The following COL11A1 variants were observed in gnomAD, a reference collection of about 807,000 sequenced individuals.
COL11A1 encodes collagen type XI alpha 1 chain, also known as collagen alpha-1(XI) chain.
In COL11A1, 74 loss-of-function variants were observed where a neutral mutation model predicts 265.2. That is an observed-to-expected ratio of 0.28 (90% CI 0.23 to 0.34). The LOEUF (loss-of-function observed/expected upper bound fraction) is 0.34. Among genes scored for constraint, COL11A1 ranks in the 10% least tolerant of loss-of-function variants. The pLI, the probability that COL11A1 is intolerant of heterozygous loss-of-function variation, is 1.00. For missense variants in COL11A1, 2,165 were observed against 2,263.6 expected, an observed-to-expected ratio of 0.96 and a Z score of 0.88; for synonymous variants, 816 against 727.6, an observed-to-expected ratio of 1.12 and a Z score of -1.96.
intron 64 of COL11A1, 127 bp downstream of exon 64, chr1:102,883,072 A>G: frequency 1.4e-6 from 1 of 727,640 alleles, no homozygotes; most frequent in Non-Finnish European, 2.5e-6. Context: ...CAAATGAAGT[A>G]CTCTAATTAT....
chr1:102,978,150 T>G (rs1352455490), intron 35 of COL11A1, among the ~76,000 whole-genome samples: 1 of 152,142 alleles, frequency 6.6e-6, no homozygotes, highest in Non-Finnish European at 1.5e-5. Context: ...TACAAAAATG[T>G]TATATTTTGC....
chr1:102,979,509 G>A (rs1421497601), intron 31 of COL11A1, 74 bp from the exon 32 acceptor site: 1 of 997,680 alleles, frequency 1.0e-6, no homozygotes, highest in Admixed American at 1.8e-5. Flanking sequence ...ATTTATTTTG[G>A]AACAGAGTGA....
At chr1:102,888,434 A>T in intron 62 of COL11A1, 143 bp downstream of exon 62, 1 of 731,956 alleles carries the variant, frequency 1.4e-6, no homozygotes, top group East Asian at 2.7e-5. Context: ...TGTAGATTTG[A>T]TTACTTAAAT....
At chr1:103,021,573 A>G (rs1295123781) in intron 9 of COL11A1, 134 bp downstream of exon 9, 1 of 688,658 alleles carries the variant, frequency 1.5e-6, no homozygotes, top group South Asian at 1.6e-5. Flanking sequence ...TAACTTACTT[A>G]TTTGTGGTGA....
chr1:103,046,881 G>A (rs1406932622), intron 4 of COL11A1, among the ~76,000 whole-genome samples: 1 of 151,996 alleles, frequency 6.6e-6, no homozygotes, highest in Non-Finnish European at 1.5e-5. Context: ...CCCATTGCTT[G>A]TTTTTGTCAG....
chr1:103,022,179 A>G (rs1288613453), intron 8 of COL11A1, among the ~76,000 whole-genome samples: 1 of 151,968 alleles, frequency 6.6e-6, no homozygotes, highest in Non-Finnish European at 1.5e-5. Flanking sequence ...TAAAAAGATA[A>G]TTTAGTAAAC....
chr1:103,078,592 G>A, intron 3 of COL11A1, 66 bp downstream of exon 3: 1 of 1,458,082 alleles, frequency 6.9e-7, no homozygotes, highest in African/African-American at 1.4e-5. Context: ...ATAAATATTT[G>A]TTAAGTGACT....
At chr1:102,889,282 T>G (rs1406969294) in intron 59 of COL11A1, among the ~76,000 whole-genome samples, 173 bp downstream of exon 59, 1 of 152,138 alleles carries the variant, frequency 6.6e-6, no homozygotes, top group Non-Finnish European at 1.5e-5. Context: ...TTTTAAAATT[T>G]ATTTACTCTA....
chr1:103,007,378 G>T (rs1557937104), intron 15 of COL11A1, among the ~76,000 whole-genome samples: 1 of 152,018 alleles, frequency 6.6e-6, no homozygotes, highest in Non-Finnish European at 1.5e-5. Context: ...CTAATAATAG[G>T]TCAAATGTAG....
At chr1:103,046,209 G>A (rs1669251853) in intron 4 of COL11A1, among the ~76,000 whole-genome samples, 3 of 145,004 alleles carry the variant, frequency 2.1e-5, no homozygotes, top group Non-Finnish European at 3.0e-5. Context: ...CTTCCACAAT[G>A]GTTGAACTAG....
chr1:102,887,278 G>T (rs1004276597), intron 62 of COL11A1, among the ~76,000 whole-genome samples: 2 of 152,010 alleles, frequency 1.3e-5, no homozygotes, highest in African/African-American at 4.8e-5. Flanking sequence ...TAAGTTAGAT[G>T]ATTTCTCACC....
chr1:103,000,296 A>C (rs561796889), intron 24 of COL11A1, among the ~76,000 whole-genome samples: 1 of 152,046 alleles, frequency 6.6e-6, no homozygotes, highest in Non-Finnish European at 1.5e-5. Context: ...TTAGAACCTA[A>C]CATAACTAAT....
At chr1:103,006,424 A>C in intron 15 of COL11A1, 109 bp from the exon 16 acceptor site, 3 of 682,516 alleles carry the variant, frequency 4.4e-6, no homozygotes, top group Non-Finnish European at 7.0e-6. Flanking sequence ...GCGTTACCTT[A>C]ATCATTCAAA....
intron 20 of COL11A1, among the ~76,000 whole-genome samples, chr1:103,003,846 TTA>T (rs934458522): frequency 1.6e-4 from 25 of 152,262 alleles, no homozygotes; most frequent in Non-Finnish European, 2.8e-4. Flanking sequence ...TTTTCCTTCT[TTA>T]GAAAAGCCAA....
intron 41 of COL11A1, among the ~76,000 whole-genome samples, chr1:102,948,720 A>G (rs931096405): frequency 6.6e-6 from 1 of 151,864 alleles, no homozygotes; most frequent in Non-Finnish European, 1.5e-5. Context: ...TTTTTTGATA[A>G]TAAACATATA....
chr1:102,976,068 T>C (rs1662434554), intron 35 of COL11A1, among the ~76,000 whole-genome samples: 1 of 152,046 alleles, frequency 6.6e-6, no homozygotes, highest in Non-Finnish European at 1.5e-5. Context: ...TAAATAAAAA[T>C]CCATTTTAAG....
intron 36 of COL11A1, among the ~76,000 whole-genome samples, chr1:102,974,342 T>C (rs1447971434): frequency 6.6e-6 from 1 of 152,166 alleles, no homozygotes; most frequent in Non-Finnish European, 1.5e-5. Context: ...TTAATGAGAA[T>C]TCTCATTACA....
At chr1:103,078,556 C>A in intron 3 of COL11A1, 102 bp downstream of exon 3, 1 of 1,062,422 alleles carries the variant, frequency 9.4e-7, no homozygotes, top group Non-Finnish European at 1.4e-6. Context: ...TTATCACCAG[C>A]CTCTAGAAAA....
chr1:103,067,026 G>A (rs560558109), intron 4 of COL11A1, among the ~76,000 whole-genome samples: 181 of 151,432 alleles, frequency 1.2e-3, no homozygotes, highest in Non-Finnish European at 2.2e-3. Context: ...AATACATGCC[G>A]CAAAAAATGG....
Sources: allele counts gnomAD v4.1 joint callset (sites outside exome capture counted in the v4.1 genomes callset), GRCh38; gene constraint gnomAD v4.1.1; transcripts MANE v1.5; gene names NCBI Gene and HGNC (gene_info 2026-07-23, HGNC 2026-07-21).